SORCS1: variants seen among roughly 807,000 people sequenced by gnomAD.
The protein encoded by SORCS1 is VPS10 domain-containing receptor SorCS1.
Under a neutral mutation model 146.1 loss-of-function variants are expected in SORCS1, and 60 were observed. The ratio of observed to expected loss-of-function variants is 0.41; its 90% CI spans 0.33 to 0.51. SORCS1 has a LOEUF of 0.51. Ranked by LOEUF, SORCS1 falls within the 20% of genes least tolerant of loss-of-function variation. The pLI, the probability that SORCS1 is intolerant of heterozygous loss-of-function variation, is 0.21. For missense variants in SORCS1, 1,352 were observed against 1,487.6 expected (o/e 0.91, Z 1.50); for synonymous variants, 637 against 584.0 (o/e 1.09, Z -1.31).
intron 1 of SORCS1, among the ~76,000 whole-genome samples, chr10:107,014,717 A>T (rs1304308522): frequency 6.6e-6 from 1 of 152,198 alleles, no homozygotes; most frequent in Non-Finnish European, 1.5e-5. Flanking sequence ...AAGCCCTCCA[A>T]ATAACTCTGA....
At chr10:106,779,399 A>C (rs2136397128) in intron 3 of SORCS1, among the ~76,000 whole-genome samples, 1 of 152,340 alleles carries the variant, frequency 6.6e-6, no homozygotes, top group African/African-American at 2.4e-5. Context: ...AGAATTCAAA[A>C]GAAAAAGAAA....
Position 106,730,231 on chromosome 10 carries a change from C to G in SORCS1, c.960-117G>C, listed in dbSNP as rs1013711554. 7.3e-6 allele frequency: 6 copies of G among 822,924 alleles called. No homozygotes were observed. In the African/African-American group the frequency reaches 1.0e-4, roughly 14 times the overall value. The allele number at this position is 822,924 out of a possible 1,614,324, so 51.0% of individuals were successfully genotyped here. A position where few individuals can be genotyped will look rare whatever the true frequency, so the allele number is the denominator to read the frequency against. On this transcript the variant is annotated intron_variant, in intron 5 of 25. Coordinates refer to ENST00000263054, the MANE Select transcript of SORCS1 (RefSeq NM_052918.5). ...ATCCACAGGCATCTAAACCCACAATCCTTAGAATATATCTACTCTATGTAT... is the reference window on the plus strand; with the variant it reads ...ATCCACAGGCATCTAAACCCACAATGCTTAGAATATATCTACTCTATGTAT...
chr10:106,907,975 G>A (rs1409811813), intron 2 of SORCS1, among the ~76,000 whole-genome samples: 1 of 151,762 alleles, frequency 6.6e-6, no homozygotes, highest in Non-Finnish European at 1.5e-5. Context: ...TTTATTAATA[G>A]CCACAGACCA....
chr10:106,928,489 C>T (rs924714436), intron 2 of SORCS1, among the ~76,000 whole-genome samples: 1 of 152,258 alleles, frequency 6.6e-6, no homozygotes, highest in Admixed American at 6.5e-5. Context: ...CCACACCTCC[C>T]TGCAAGCTGA....
At chr10:106,928,218 A>T (rs1211927716) in intron 2 of SORCS1, among the ~76,000 whole-genome samples, 1 of 152,202 alleles carries the variant, frequency 6.6e-6, no homozygotes, top group Non-Finnish European at 1.5e-5. Context: ...AGGCTCAGGC[A>T]TGGTGGGCTG....
intron 3 of SORCS1, among the ~76,000 whole-genome samples, chr10:106,806,056 T>C (rs1947149943): frequency 1.5e-5 from 1 of 66,262 alleles, no homozygotes; most frequent in African/African-American, 5.6e-5. Context: ...CTAGACTCCG[T>C]CTCAAAAAAA....
In SORCS1 at chr10:107,160,464, A is replaced by G. The variant is rs187455233; in HGVS notation, c.558+3505T>C. ...ATGAATGTAAAGCATCTACCCCAAA[A>G]GTTGGCCCAGATTGGGACTCAATTT... On this transcript the variant is annotated intron_variant, in intron 1 of 25. Transcript: ENST00000263054. Among the ~76,000 whole-genome samples the G allele has an allele frequency of 4.2e-3, 640 of 152,338 alleles. 6 individuals carry two copies. Among genetic ancestry groups the G allele is most frequent in the African/African-American group, 0.013 (531 of 41,580 alleles).
intron 1 of SORCS1, among the ~76,000 whole-genome samples, chr10:107,029,982 T>C (rs541001559): frequency 1.3e-5 from 2 of 152,230 alleles, no homozygotes; most frequent in African/African-American, 2.4e-5. Context: ...GAGTGGAAAG[T>C]AGAGGAGCCT....
intron 5 of SORCS1, among the ~76,000 whole-genome samples, chr10:106,741,646 G>A (rs953137854): frequency 6.6e-6 from 1 of 151,418 alleles, no homozygotes; most frequent in African/African-American, 2.4e-5. Flanking sequence ...GTGAGAGAGA[G>A]AGAGAATGGA....
At chr10:106,596,894 C>G (rs561744221) in intron 24 of SORCS1, among the ~76,000 whole-genome samples, 9 of 152,268 alleles carry the variant, frequency 5.9e-5, no homozygotes, top group Non-Finnish European at 1.3e-4. Flanking sequence ...CTGGGTCACC[C>G]AGGTTGGAGT....
At chr10:107,163,026 G>T (rs906789910) in intron 1 of SORCS1, among the ~76,000 whole-genome samples, 3 of 152,180 alleles carry the variant, frequency 2.0e-5, no homozygotes, top group African/African-American at 7.2e-5. Flanking sequence ...GAAGTTTCTA[G>T]GTTCAATTTA....
At chr10:106,832,838 T>C (rs976454227) in intron 2 of SORCS1, among the ~76,000 whole-genome samples, 1 of 152,000 alleles carries the variant, frequency 6.6e-6, no homozygotes, top group Admixed American at 6.6e-5. Context: ...ACTAAAAAAG[T>C]AGGAACTAGT....
chr10:107,133,104 G>C (rs1235328927), intron 1 of SORCS1, among the ~76,000 whole-genome samples: 1 of 152,144 alleles, frequency 6.6e-6, no homozygotes, highest in East Asian at 1.9e-4. Flanking sequence ...GACAAAATAA[G>C]AGATTCAAAG....
chr10:107,004,139 G>A (rs1957338308), intron 1 of SORCS1, among the ~76,000 whole-genome samples: 1 of 130,208 alleles, frequency 7.7e-6, no homozygotes, highest in African/African-American at 3.1e-5. Context: ...TTGCGCCACT[G>A]CACTCCAGCC....
chr10:106,623,631 C>G (rs796115315), intron 19 of SORCS1, among the ~76,000 whole-genome samples: 20 of 152,048 alleles, frequency 1.3e-4, no homozygotes, highest in African/African-American at 4.6e-4. Context: ...GTTAGTAAAA[C>G]ATGGTAATTC....
At chr10:106,958,997 G>A (rs539483775) in intron 1 of SORCS1, among the ~76,000 whole-genome samples, 6 of 152,030 alleles carry the variant, frequency 3.9e-5, no homozygotes, top group Non-Finnish European at 7.4e-5. Context: ...ATACAAGACC[G>A]CAGTAAACTA....
intron 1 of SORCS1, among the ~76,000 whole-genome samples, chr10:107,075,793 T>C (rs1962827599): frequency 6.6e-6 from 1 of 152,084 alleles, no homozygotes; most frequent in Admixed American, 6.6e-5. Flanking sequence ...AATTACATGG[T>C]GGGTGTGTTC....
At chr10:106,684,037 T>C (rs1206325038) in intron 10 of SORCS1, among the ~76,000 whole-genome samples, 2 of 152,062 alleles carry the variant, frequency 1.3e-5, no homozygotes, top group Non-Finnish European at 1.5e-5. Flanking sequence ...TCAGCTCCAG[T>C]AGCAAACTGC....
At chr10:106,990,577 T>G (rs1956726176) in intron 1 of SORCS1, among the ~76,000 whole-genome samples, 1 of 152,218 alleles carries the variant, frequency 6.6e-6, no homozygotes, top group Admixed American at 6.5e-5. Context: ...GCCAACTTTT[T>G]CTTTCTTCAG....
Sources: allele counts gnomAD v4.1 joint callset (sites outside exome capture counted in the v4.1 genomes callset), GRCh38; gene constraint gnomAD v4.1.1; transcripts MANE v1.5; gene names NCBI Gene and HGNC (gene_info 2026-07-23, HGNC 2026-07-21).